ALK: variants seen among roughly 807,000 people sequenced by gnomAD.
ALK encodes ALK tyrosine kinase receptor.
In ALK, 74 loss-of-function variants were observed where a neutral mutation model predicts 163.1. The ratio of observed to expected loss-of-function variants is 0.45; its 90% CI spans 0.38 to 0.55. The LOEUF (loss-of-function observed/expected upper bound fraction) is 0.55. Ranked by LOEUF, ALK falls within the 20% of genes least tolerant of loss-of-function variation. The probability of loss-of-function intolerance (pLI) is 0.00; values close to 1 mark genes in which losing one functional copy is unlikely to be tolerated. For missense variants in ALK, 2,063 were observed against 2,105.3 expected (o/e 0.98, Z 0.39); for synonymous variants, 960 against 843.2 (o/e 1.14, Z -2.40).
intron 3 of ALK, among the ~76,000 whole-genome samples, chr2:29,554,749 T>A (rs893770163): frequency 5.3e-5 from 8 of 152,152 alleles, no homozygotes; most frequent in Non-Finnish European, 1.0e-4. Context: ...TCCCAGACAG[T>A]TCAGGCATTC....
intron 4 of ALK, among the ~76,000 whole-genome samples, chr2:29,504,600 T>C (rs2148134641): frequency 6.6e-6 from 1 of 151,988 alleles, no homozygotes; most frequent in Admixed American, 6.5e-5. Context: ...TCATGGGGGA[T>C]ATGGGGTGAA....
chr2:29,308,133 A>T (rs577445055), intron 8 of ALK, among the ~76,000 whole-genome samples: 1 of 152,022 alleles, frequency 6.6e-6, no homozygotes, highest in South Asian at 2.1e-4. Flanking sequence ...AAAAACAATG[A>T]AATTAATTTA....
At chr2:29,858,163 G>A (rs1572442824) in intron 1 of ALK, among the ~76,000 whole-genome samples, 2 of 152,050 alleles carry the variant, frequency 1.3e-5, no homozygotes, top group Admixed American at 6.6e-5. Context: ...GAACAGTTCC[G>A]TCACCACAAG....
At chr2:29,586,995 G>A (rs11686243) in intron 3 of ALK, among the ~76,000 whole-genome samples, 59,841 of 151,878 alleles carry the variant, frequency 0.39, 13,418 homozygotes, top group East Asian at 0.56. Flanking sequence ...GATGAGGTGG[G>A]TGTACCCTTA....
intron 3 of ALK, among the ~76,000 whole-genome samples, chr2:29,632,337 C>G: frequency 6.6e-6 from 1 of 152,058 alleles, no homozygotes; most frequent in Non-Finnish European, 1.5e-5. Context: ...AGTTGAAGTC[C>G]TAGGCCCCAG....
At chr2:29,896,193 A>C (rs1489876466) in intron 1 of ALK, among the ~76,000 whole-genome samples, 1 of 152,198 alleles carries the variant, frequency 6.6e-6, no homozygotes, top group African/African-American at 2.4e-5. Context: ...CTGCAGAGGA[A>C]ATGGGTCTTA....
chr2:29,774,322 C>T (rs566719824), intron 1 of ALK, among the ~76,000 whole-genome samples: 111 of 152,308 alleles, frequency 7.3e-4, no homozygotes, highest in African/African-American at 2.6e-3. Flanking sequence ...GACACTCACT[C>T]TAGAAGGACA....
chr2:29,248,433 A>G (rs1241176429), intron 12 of ALK, among the ~76,000 whole-genome samples: 1 of 152,240 alleles, frequency 6.6e-6, no homozygotes, highest in Non-Finnish European at 1.5e-5. Flanking sequence ...ACTGCACCCC[A>G]GCCTGGGCAA....
intron 1 of ALK, among the ~76,000 whole-genome samples, chr2:29,824,484 C>T (rs1665139498): frequency 6.6e-6 from 1 of 152,216 alleles, no homozygotes; most frequent in East Asian, 1.9e-4. Context: ...TGGGAGGGGG[C>T]CTGTACCCTG....
chr2:29,732,088 CA>C (rs1679758434), intron 1 of ALK, among the ~76,000 whole-genome samples: 1 of 152,214 alleles, frequency 6.6e-6, no homozygotes, highest in African/African-American at 2.4e-5. Flanking sequence ...TGTAACATAT[CA>C]CTACCTCCAT....
chr2:29,269,476 C>A (rs1369906787), intron 11 of ALK, among the ~76,000 whole-genome samples: 1 of 152,150 alleles, frequency 6.6e-6, no homozygotes, highest in Non-Finnish European at 1.5e-5. Context: ...TCTTTGCCAC[C>A]TCTCTTCCTG....
chr2:29,807,681 T>G (rs939191767), intron 1 of ALK, among the ~76,000 whole-genome samples: 2 of 152,222 alleles, frequency 1.3e-5, no homozygotes, highest in African/African-American at 4.8e-5. Flanking sequence ...GTTAATAAGG[T>G]GATCATTATG....
At chr2:29,674,386 G>A (rs1039720739) in intron 3 of ALK, among the ~76,000 whole-genome samples, 3 of 151,340 alleles carry the variant, frequency 2.0e-5, no homozygotes, top group African/African-American at 4.9e-5. Flanking sequence ...TAGCATGAAG[G>A]GTTGTTGAAT....
intron 15 of ALK, among the ~76,000 whole-genome samples, chr2:29,231,722 T>C (rs772300814): frequency 1.3e-4 from 20 of 152,184 alleles, no homozygotes; most frequent in Non-Finnish European, 2.6e-4. Context: ...CAAAAAGGAA[T>C]TGCATTTTCT....
intron 1 of ALK, among the ~76,000 whole-genome samples, chr2:29,798,713 C>A (rs1351762741): frequency 1.3e-5 from 2 of 152,182 alleles, no homozygotes; most frequent in Non-Finnish European, 2.9e-5. Flanking sequence ...ACCCAAAGAA[C>A]TTTTTTCTTC....
intron 5 of ALK, among the ~76,000 whole-genome samples, chr2:29,352,657 C>T (rs1272390965): frequency 1.3e-5 from 2 of 152,186 alleles, no homozygotes; most frequent in African/African-American, 4.8e-5. Context: ...CAGGCACTTC[C>T]AGATCCATCT....
In ALK at chr2:29,251,128, C is replaced by G. The variant is rs1664804660; in HGVS notation, c.2181G>C (p.Lys727Asn). 1 of 1,614,000 alleles carries G rather than the reference C, an allele frequency of 6.2e-7. No homozygotes were observed. Among genetic ancestry groups the G allele is most frequent in the Non-Finnish European group, 8.5e-7 (1 of 1,180,020 alleles). The change falls in exon 12 of 29, where the codon AAG becomes AAC. Residue 727 changes from lysine to asparagine, a missense_variant. By Grantham distance (94) the Lys-to-Asn change is moderately conservative (BLOSUM62 0). Around this residue, in one of 5 missense-constraint regions of ALK, gnomAD observed 15 missense variants for 33.5 expected, o/e 0.45. Transcript: ENST00000389048. ...EGPLKGIQIW[K>N]VPATDTYSIS... Reference sequence around the variant, plus strand: ...ACCTGTAGGTGTCGGTGGCTGGCACCTTCCAGATCTGGATGCCTTTCAGGG... The same window carrying G: ...ACCTGTAGGTGTCGGTGGCTGGCACGTTCCAGATCTGGATGCCTTTCAGGG...
chr2:29,626,087 T>C (rs1256764825), intron 3 of ALK, among the ~76,000 whole-genome samples: 2 of 152,132 alleles, frequency 1.3e-5, no homozygotes, highest in Non-Finnish European at 2.9e-5. Flanking sequence ...ACTGATGGTG[T>C]GTGTGTGCTA....
At chr2:29,915,669 C>A (rs1465875165) in intron 1 of ALK, among the ~76,000 whole-genome samples, 1 of 152,148 alleles carries the variant, frequency 6.6e-6, no homozygotes, top group Non-Finnish European at 1.5e-5. Context: ...AGATTCTCAA[C>A]ATTTAAAGGG....
Sources: allele counts gnomAD v4.1 joint callset (sites outside exome capture counted in the v4.1 genomes callset), GRCh38; gene constraint gnomAD v4.1.1; regional missense constraint gnomAD v4.1.1; transcripts MANE v1.5; gene names NCBI Gene and HGNC (gene_info 2026-07-23, HGNC 2026-07-21).